WASL: variants seen among roughly 807,000 people sequenced by gnomAD.
The protein encoded by WASL is actin nucleation-promoting factor WASL.
A neutral mutation model predicts 55.5 loss-of-function variants in WASL; 20 were observed. The observed-to-expected ratio is 0.36, with a 90% CI of 0.25 to 0.52. WASL has a LOEUF of 0.52. WASL is among the 20% of genes least tolerant of loss of function. The pLI, the probability that WASL is intolerant of heterozygous loss-of-function variation, is 0.92. For synonymous variants in WASL, 249 were observed against 217.6 expected, an observed-to-expected ratio of 1.14 and a Z score of -1.27; for missense variants, 504 against 622.5, an observed-to-expected ratio of 0.81 and a Z score of 2.03.
At chr7:123,697,343 AGCAC>A (rs1803510357) in intron 5 of WASL, among the ~76,000 whole-genome samples, 1 of 152,224 alleles carries the variant, frequency 6.6e-6, no homozygotes, top group Non-Finnish European at 1.5e-5. Context: ...AAATTCTTAA[AGCAC>A]TCATCTTGTG....
At chr7:123,747,038 G>C (rs1390682636) in intron 1 of WASL, among the ~76,000 whole-genome samples, 1 of 151,986 alleles carries the variant, frequency 6.6e-6, no homozygotes, top group Non-Finnish European at 1.5e-5. Context: ...TAAGAATCTT[G>C]TATTTTAATT....
intron 10 of WASL, among the ~76,000 whole-genome samples, chr7:123,687,936 T>C (rs1803321864): frequency 6.6e-6 from 1 of 152,212 alleles, no homozygotes; most frequent in Non-Finnish European, 1.5e-5. Flanking sequence ...ACCTACTATG[T>C]GCTAGGCAAT....
At chr7:123,711,722 CT>C (rs921662561) in intron 1 of WASL, among the ~76,000 whole-genome samples, 1 of 152,106 alleles carries the variant, frequency 6.6e-6, no homozygotes, top group Non-Finnish European at 1.5e-5. Context: ...CCTTCCATTC[CT>C]TTAAGTAATT....
At chr7:123,700,674 G>A (rs770880984) in intron 5 of WASL, among the ~76,000 whole-genome samples, 12 of 152,228 alleles carry the variant, frequency 7.9e-5, no homozygotes, top group South Asian at 2.1e-4. Context: ...TCCTGACCTC[G>A]TGATCCACCT....
chr7:123,690,986 G>C (rs1229826152), intron 9 of WASL, among the ~76,000 whole-genome samples: 1 of 152,130 alleles, frequency 6.6e-6, no homozygotes, highest in Non-Finnish European at 1.5e-5. Flanking sequence ...AAGGGGGAAA[G>C]AGAACAGAGA....
At chr7:123,694,618 A>G in intron 8 of WASL, 97 bp downstream of exon 8, 1 of 1,295,778 alleles carries the variant, frequency 7.7e-7, no homozygotes, top group Non-Finnish European at 1.1e-6. Context: ...CATTCTGCTC[A>G]AGGAAGGGTT....
At chr7:123,727,900 T>C (rs780250664) in intron 1 of WASL, among the ~76,000 whole-genome samples, 3 of 152,228 alleles carry the variant, frequency 2.0e-5, no homozygotes, top group Non-Finnish European at 2.9e-5. Context: ...CGACTTCTTA[T>C]GTTTGACGCA....
At chr7:123,700,890 A>G (rs1584859738) in intron 5 of WASL, among the ~76,000 whole-genome samples, 3 of 152,220 alleles carry the variant, frequency 2.0e-5, no homozygotes, top group Admixed American at 2.0e-4. Context: ...ACAAATATTT[A>G]CTAACAACTT....
rs112335963 is a variant in WASL at position 123,701,068 on chromosome 7, A to G, written c.460+3566T>C. On this transcript the variant is annotated intron_variant, in intron 5 of 10. Coordinates refer to ENST00000223023, the MANE Select transcript of WASL (RefSeq NM_003941.4). ...CTGTTTCAAGCGACACACTAAAAAA[A>G]GTGATAACCTGTTTAAGGTATAGAG... is the stretch of plus-strand genomic sequence containing the variant. 8.4e-3 allele frequency among the ~76,000 whole-genome samples: 1,273 copies of G among 152,352 alleles called. 17 individuals carry two copies. The highest frequency in any genetic ancestry group is 0.028 in the African/African-American group (1,176 of 41,598).
At position 123,696,644 on chromosome 7, in the gene WASL, C is replaced by T. The variant is rs147511564; in HGVS notation, c.564G>A (p.Lys188=). ...TCTTCTTTTTAGCTTTTCCCTTCTT[C>T]TTTTCTTTGGTATGGGAGATGTTGT... The part of the protein sequence containing the change: ...QVNNISHTKE[K]KKGKAKKKRL... The change falls in exon 6 of 11, where the codon AAG becomes AAA. Residue 188 remains lysine (K), a synonymous_variant. Transcript: ENST00000223023. 4.3e-4 allele frequency: 694 copies of T among 1,603,624 alleles called. 2 individuals carry two copies. In the Middle Eastern group the frequency reaches 0.012, roughly 27 times the overall value.
Position 123,692,787 on chromosome 7 carries a change from G to T in WASL, c.907C>A (p.Pro303Thr). 1 of 1,436,200 alleles carries T rather than the reference G, an allele frequency of 7.0e-7. No individual in the cohort carries two copies. The highest frequency in any genetic ancestry group is 9.2e-7 in the Non-Finnish European group (1 of 1,091,638). The allele number at this position is 1,436,200 out of a possible 1,614,324, so 89.0% of individuals were successfully genotyped here. A position where few individuals can be genotyped will look rare whatever the true frequency, so the allele number is the denominator to read the frequency against. The stretch of plus-strand genomic sequence containing the variant: ...GGAGGAGCGCCTCTTCCCCTAGCAG[G>T]AGGAGGAGGAGGACCTGAGTTGTGT... ...PPHNSGPPPP[P>T]ARGRGAPPPP... is the part of the protein sequence containing the mutation. The change falls in exon 9 of 11, where the codon CCT becomes ACT. Residue 303 changes from proline (P) to threonine (T), a missense_variant. This residue lies in a region of WASL where 201 missense variants were observed against 206.2 expected (regional missense o/e 0.97). Coordinates refer to ENST00000223023, the MANE Select transcript of WASL (RefSeq NM_003941.4).
chr7:123,695,736 C>A (rs1339882134), intron 7 of WASL, 87 bp downstream of exon 7: 3 of 1,372,730 alleles, frequency 2.2e-6, no homozygotes, highest in Admixed American at 3.9e-5. Flanking sequence ...ATACTAGAAA[C>A]CACAAAAATG....
intron 4 of WASL, among the ~76,000 whole-genome samples, chr7:123,705,803 A>G (rs1803659735): frequency 1.3e-5 from 2 of 152,178 alleles, no homozygotes; most frequent in Non-Finnish European, 2.9e-5. Context: ...AGACAAGGCA[A>G]TGTTTACAGA....
chr7:123,696,133 A>G (rs532178793), intron 6 of WASL, among the ~76,000 whole-genome samples: 29 of 152,204 alleles, frequency 1.9e-4, no homozygotes, highest in Admixed American at 6.5e-4. Context: ...TTAGCATAAG[A>G]GTCCAAGCAT....
At chr7:123,722,915 A>G (rs1270275972) in intron 1 of WASL, among the ~76,000 whole-genome samples, 1 of 152,194 alleles carries the variant, frequency 6.6e-6, no homozygotes. Context: ...TGCTAACTGG[A>G]CACAAGTGAG....
intron 10 of WASL, among the ~76,000 whole-genome samples, chr7:123,687,839 C>T (rs1019140164): frequency 2.6e-5 from 4 of 151,954 alleles, no homozygotes; most frequent in Non-Finnish European, 4.4e-5. Flanking sequence ...ACAAATATGC[C>T]TATTTAAGGA....
In WASL at chr7:123,706,778, T is replaced by A; in HGVS notation, c.301A>T (p.Asn101Tyr). 1 of 1,581,548 alleles carries A rather than the reference T, an allele frequency of 6.3e-7. No homozygotes were observed. Among genetic ancestry groups the A allele is most frequent in the East Asian group, 2.3e-5 (1 of 43,348 alleles). ...GTATGAAAATATCCTCTAGGACTAT[T>A]ATATACAAAGTTATTGTATAGCTCT... is the stretch of plus-strand genomic sequence containing the variant. ...EQELYNNFVY[N>Y]SPRGYFHTFA... is the part of the protein sequence containing the mutation. The change falls in exon 3 of 11, where the codon AAT becomes TAT. Residue 101 changes from asparagine to tyrosine, a missense_variant. Asn to Tyr is a moderately radical substitution (Grantham distance 143). Transcript: ENST00000223023.
At position 123,748,721 on chromosome 7, in the gene WASL, T is replaced by C. The variant is rs1384422654; in HGVS notation, c.14A>G (p.Gln5Arg). ...CCTCCGCGGCGGCGGCGGCTGCTGC[T>C]GGACGGAGCTCATGGTTTCGCCGGC... is the stretch of plus-strand genomic sequence containing the variant. MSSV[Q>R]QQPPPPRRVT... The change falls in exon 1 of 11, where the codon CAG (glutamine) becomes CGG (arginine). Residue 5 changes from glutamine (Q) to arginine (R), a missense_variant. By Grantham distance (43) the Gln-to-Arg change is conservative. Around this residue, in one of 5 missense-constraint regions of WASL, gnomAD observed 230 missense variants for 271.9 expected, o/e 0.85. Coordinates refer to ENST00000223023, the MANE Select transcript of WASL (RefSeq NM_003941.4). 2 of 1,590,334 alleles carry C rather than the reference T, an allele frequency of 1.3e-6. No individual in the cohort carries two copies. Among genetic ancestry groups the C allele is most frequent in the Non-Finnish European group, 8.5e-7 (1 of 1,170,174 alleles).
intron 1 of WASL, among the ~76,000 whole-genome samples, chr7:123,727,917 T>C (rs907887547): frequency 6.6e-6 from 1 of 152,200 alleles, no homozygotes. Flanking sequence ...CGCACTTCAT[T>C]TCATGGTAGC....
Sources: gnomAD v4.1 joint callset for allele counts (sites outside exome capture counted in the v4.1 genomes callset) on GRCh38, gnomAD v4.1.1 for gene constraint, gnomAD v4.1.1 regional missense constraint, MANE v1.5 for transcripts, NCBI Gene and HGNC (gene_info 2026-07-23, HGNC 2026-07-21) for gene names.